Variants in CSMD2 observed in about 807,000 individuals in gnomAD.
The protein encoded by CSMD2 is CUB and Sushi multiple domains 2.
A neutral mutation model predicts 398.5 loss-of-function variants in CSMD2; 130 were observed. The observed-to-expected ratio is 0.33, with a 90% CI of 0.28 to 0.38. CSMD2 has a LOEUF of 0.38. Ranked by LOEUF, CSMD2 falls within the 10% of genes least tolerant of loss-of-function variation. CSMD2 has a pLI of 1.00. For missense variants in CSMD2, 3,829 were observed against 4,764.9 expected (o/e 0.80, Z 5.78); for synonymous variants, 1,828 against 1,908.5 (o/e 0.96, Z 1.10).
At chr1:34,119,649 C>T (rs1661967841) in intron 1 of CSMD2, among the ~76,000 whole-genome samples, 1 of 152,154 alleles carries the variant, frequency 6.6e-6, no homozygotes, top group Non-Finnish European at 1.5e-5. Context: ...AGACAAATGG[C>T]TGACAAACAT....
At chr1:33,653,559 CCT>C (rs972598000) in intron 27 of CSMD2, among the ~76,000 whole-genome samples, 5 of 152,198 alleles carry the variant, frequency 3.3e-5, no homozygotes, top group African/African-American at 1.2e-4. Context: ...GTCGCCCTCC[CCT>C]GAGATGACAG....
At chr1:33,681,574 G>A (rs935909639) in intron 25 of CSMD2, among the ~76,000 whole-genome samples, 21 of 152,166 alleles carry the variant, frequency 1.4e-4, no homozygotes, top group African/African-American at 5.1e-4. Context: ...TTAGTACCGT[G>A]TAGTTTTTCT....
rs75149023 is a variant in CSMD2 at position 33,668,290 on chromosome 1, T to C, written c.4053-5198A>G. Among the ~76,000 whole-genome samples, 583 of 152,270 alleles carry C rather than the reference T, an allele frequency of 3.8e-3. 1 individual carries two copies. The highest frequency in any genetic ancestry group is 0.013 in the African/African-American group (557 of 41,560). On this transcript the variant is annotated intron_variant, in intron 25 of 70. Coordinates refer to ENST00000373381, the MANE Select transcript of CSMD2 (RefSeq NM_001281956.2). ...GCTGAGGGAAGTCATTGGTATATTT[T>C]AAGCTGAGCTCTGACAGGTTCCGAT...
intron 3 of CSMD2, among the ~76,000 whole-genome samples, chr1:34,004,487 T>C (rs2148044894): frequency 6.6e-6 from 1 of 152,298 alleles, no homozygotes; most frequent in Non-Finnish European, 1.5e-5. Flanking sequence ...TTTTGTTTTT[T>C]GCCAGCGCCA....
chr1:33,690,139 C>T (rs916957886), intron 25 of CSMD2, among the ~76,000 whole-genome samples: 5 of 152,190 alleles, frequency 3.3e-5, no homozygotes, highest in African/African-American at 1.2e-4. Context: ...CCTCATAGCC[C>T]CAACGCCCTC....
chr1:33,524,058 G>T (rs938150146), intron 66 of CSMD2, among the ~76,000 whole-genome samples: 8 of 152,138 alleles, frequency 5.3e-5, no homozygotes, highest in Non-Finnish European at 1.2e-4. Context: ...ATCTTACTAA[G>T]AAATAACCAC....
chr1:34,100,579 C>A (rs2148409691), intron 1 of CSMD2, among the ~76,000 whole-genome samples: 1 of 152,232 alleles, frequency 6.6e-6, no homozygotes. Context: ...CAGGTCATTT[C>A]TCGGTTTTCT....
At chr1:33,878,553 G>T (rs1641011193) in intron 5 of CSMD2, among the ~76,000 whole-genome samples, 1 of 152,252 alleles carries the variant, frequency 6.6e-6, no homozygotes, top group African/African-American at 2.4e-5. Context: ...GCATTGATCT[G>T]ACAGTGGCAG....
rs572792960 is a variant in CSMD2, at chr1:33,796,595, T to A, written c.1447-4069A>T. 2.0e-5 allele frequency among the ~76,000 whole-genome samples: 3 copies of A among 151,884 alleles called. No homozygotes were observed. In the South Asian group the frequency reaches 6.2e-4, roughly 31 times the overall value. The stretch of plus-strand genomic sequence containing the variant: ...AGAGTATACATCACCTCAGGACCAC[T>A]ATTGTGTTAACTGTACAAACTGATT... On this transcript the variant is annotated intron_variant, in intron 10 of 70. Transcript: ENST00000373381.
At chr1:33,884,822 C>T (rs1488456038) in intron 5 of CSMD2, 1 of 152,318 alleles carries the variant, frequency 6.6e-6, no homozygotes, top group African/African-American at 2.4e-5. Context: ...CAGGTACTTT[C>T]CCAGGCATAG....
At chr1:34,116,462 T>C (rs1661607841) in intron 1 of CSMD2, among the ~76,000 whole-genome samples, 1 of 151,946 alleles carries the variant, frequency 6.6e-6, no homozygotes. Context: ...TATAAACATA[T>C]ATGTACCTAA....
At chr1:33,808,164 A>ATCTT (rs1656437073) in intron 10 of CSMD2, among the ~76,000 whole-genome samples, 1 of 152,128 alleles carries the variant, frequency 6.6e-6, no homozygotes, top group Non-Finnish European at 1.5e-5. Flanking sequence ...TAATAGGCAA[A>ATCTT]TCCACCATCA....
intron 3 of CSMD2, among the ~76,000 whole-genome samples, chr1:34,006,557 G>T (rs1467716833): frequency 6.7e-6 from 1 of 150,292 alleles, no homozygotes; most frequent in African/African-American, 2.4e-5. Flanking sequence ...TTATTCTAGG[G>T]CTTATCAAAC....
intron 6 of CSMD2, among the ~76,000 whole-genome samples, chr1:33,844,292 G>GC (rs1661152990): frequency 6.6e-6 from 1 of 151,900 alleles, no homozygotes; most frequent in Admixed American, 6.6e-5. Context: ...GTGTGTGGGG[G>GC]GGCGCTGCTA....
intron 5 of CSMD2, among the ~76,000 whole-genome samples, chr1:33,876,523 C>T (rs148549360): frequency 1.1e-4 from 17 of 152,300 alleles, no homozygotes; most frequent in Admixed American, 3.9e-4. Context: ...ATTTACTGAA[C>T]GCCAGGCACT....
chr1:33,859,093 G>A (rs1162423878), intron 5 of CSMD2, among the ~76,000 whole-genome samples: 1 of 152,178 alleles, frequency 6.6e-6, no homozygotes, highest in Non-Finnish European at 1.5e-5. Context: ...AGCAGCCAGA[G>A]GAGAAAGATA....
In CSMD2 at chr1:33,649,832, AG is replaced by A. The variant is rs1249829064; in HGVS notation, c.4586+2490del. ...CTACCTTTTGGCTAAGATATATAGCAGGGGGAGGAGGTCATACATCTCTAGG... is the reference window on the plus strand; with the variant it reads ...CTACCTTTTGGCTAAGATATATAGCAGGGGAGGAGGTCATACATCTCTAGG... On this transcript the variant is annotated intron_variant, in intron 28 of 70. Transcript: ENST00000373381. 2.0e-5 allele frequency among the ~76,000 whole-genome samples: 3 copies of A among 152,294 alleles called. No individual in the cohort carries two copies. In the East Asian group the frequency reaches 5.8e-4, roughly 29 times the overall value.
chr1:34,104,655 C>T (rs976658337), intron 1 of CSMD2, among the ~76,000 whole-genome samples: 3 of 152,186 alleles, frequency 2.0e-5, no homozygotes, highest in African/African-American at 7.2e-5. Context: ...CTGAAGGTGT[C>T]TCACCTGCCA....
At chr1:33,977,930 G>T (rs1035001185) in intron 3 of CSMD2, among the ~76,000 whole-genome samples, 1 of 152,080 alleles carries the variant, frequency 6.6e-6, no homozygotes, top group African/African-American at 2.4e-5. Flanking sequence ...CAGGGGTCCC[G>T]GTCGGGGCTG....
Sources: gnomAD v4.1 joint callset for allele counts (sites outside exome capture counted in the v4.1 genomes callset) on GRCh38, gnomAD v4.1.1 for gene constraint, MANE v1.5 for transcripts, NCBI Gene and HGNC (gene_info 2026-07-23, HGNC 2026-07-21) for gene names.